RAPGEF4: variants seen among roughly 807,000 people sequenced by gnomAD.
The protein encoded by RAPGEF4 is RAP guanine-nucleotide-exchange factor (GEF) 4.
In RAPGEF4, 66 loss-of-function variants were observed where a neutral mutation model predicts 147.9. That is an observed-to-expected ratio of 0.45 (90% CI 0.37 to 0.55). The LOEUF is 0.55. RAPGEF4 is among the 20% of genes least tolerant of loss of function. The probability of loss-of-function intolerance (pLI) is 0.00; values close to 1 mark genes in which losing one functional copy is unlikely to be tolerated. For missense variants in RAPGEF4, 1,071 were observed against 1,257.3 expected, an observed-to-expected ratio of 0.85 and a Z score of 2.24; for synonymous variants, 419 against 442.7, an observed-to-expected ratio of 0.95 and a Z score of 0.67.
chr2:172,759,192 G>A (rs1696064476), intron 1 of RAPGEF4, among the ~76,000 whole-genome samples: 2 of 152,190 alleles, frequency 1.3e-5, no homozygotes, highest in Admixed American at 1.3e-4. Context: ...TTTCCAGTGT[G>A]GTTGGCAGTT....
At chr2:172,942,270 G>A (rs1687237612) in intron 6 of RAPGEF4, among the ~76,000 whole-genome samples, 1 of 150,430 alleles carries the variant, frequency 6.6e-6, no homozygotes, top group Admixed American at 6.6e-5. Flanking sequence ...ATTAACTGGA[G>A]TCACCATGTT....
chr2:173,001,446 G>A lies in RAPGEF4; in HGVS notation c.1658+102G>A, dbSNP rs1271637278. 16 of 1,405,112 alleles carry A rather than the reference G, an allele frequency of 1.1e-5. No homozygotes were observed. The Admixed American group carries it at 2.9e-4, about 25-fold the overall frequency. The allele number at this position is 1,405,112 out of a possible 1,614,324, so 87.0% of individuals were successfully genotyped here. ...CTTCTGCAGGTAAGTCATGGCCCAG[G>A]CAGAGTTGTGCATTCCACCCTCATC... On this transcript the variant is annotated intron_variant, in intron 17 of 30. Coordinates refer to ENST00000397081, the MANE Select transcript of RAPGEF4 (RefSeq NM_007023.4).
intron 6 of RAPGEF4, among the ~76,000 whole-genome samples, chr2:172,924,589 G>A (rs115959705): frequency 0.016 from 2,406 of 152,260 alleles, 64 homozygotes; most frequent in African/African-American, 0.055. Flanking sequence ...TATTAGGAAA[G>A]CTCTCCAATG....
Position 172,917,790 on chromosome 2 carries a change from C to G in RAPGEF4, c.445-12C>G. 6.2e-7 allele frequency: 1 copy of G among 1,606,890 alleles called. No individual in the cohort carries two copies. Among genetic ancestry groups the G allele is most frequent in the Non-Finnish European group, 8.5e-7 (1 of 1,173,654 alleles). On this transcript the variant is annotated splice_polypyrimidine_tract_variant and intron_variant, in intron 4 of 30. Coordinates refer to ENST00000397081, the MANE Select transcript of RAPGEF4 (RefSeq NM_007023.4). ...AATATCTGTGTGTTGAGTTTACAAT[C>G]TTGTCTTTCAGAAATATCGACAGTA...
At chr2:172,778,404 A>G (rs891592995) in intron 1 of RAPGEF4, among the ~76,000 whole-genome samples, 6 of 151,832 alleles carry the variant, frequency 4.0e-5, no homozygotes, top group African/African-American at 9.7e-5. Context: ...CCACTTTTCT[A>G]TTTCTGTCTG....
intron 4 of RAPGEF4, among the ~76,000 whole-genome samples, chr2:172,839,131 G>A (rs1323882233): frequency 4.6e-5 from 7 of 151,982 alleles, no homozygotes; most frequent in African/African-American, 1.7e-4. Flanking sequence ...ATTATGGTGA[G>A]TTAGAAGAAA....
At chr2:173,003,282 A>G (rs1016744058) in intron 17 of RAPGEF4, among the ~76,000 whole-genome samples, 1 of 152,108 alleles carries the variant, frequency 6.6e-6, no homozygotes, top group Non-Finnish European at 1.5e-5. Context: ...GAGGGGGAAA[A>G]ATGATACTGG....
intron 10 of RAPGEF4, among the ~76,000 whole-genome samples, chr2:172,972,834 T>C (rs1690638493): frequency 6.6e-6 from 1 of 152,144 alleles, no homozygotes; most frequent in South Asian, 2.1e-4. Flanking sequence ...TTGGAGAAAA[T>C]TTGGAAACCA....
intron 1 of RAPGEF4, among the ~76,000 whole-genome samples, chr2:172,773,478 C>T (rs1165667732): frequency 6.6e-6 from 1 of 152,126 alleles, no homozygotes; most frequent in African/African-American, 2.4e-5. Flanking sequence ...ATCATCTTCA[C>T]ACACCCACTA....
At chr2:172,918,936 C>T (rs912511879) in intron 5 of RAPGEF4, among the ~76,000 whole-genome samples, 20 of 152,260 alleles carry the variant, frequency 1.3e-4, no homozygotes, top group Admixed American at 5.2e-4. Flanking sequence ...CCTGCTTGAC[C>T]GCAATCCTGA....
rs575529555 is a variant in RAPGEF4, at chr2:173,027,183, G to A, written c.2482G>A (p.Val828Ile). The A allele has an allele frequency of 3.4e-5, 55 of 1,613,352 alleles. No homozygotes were observed. Among genetic ancestry groups the A allele is most frequent in the East Asian group, 1.3e-4 (6 of 44,874 alleles). ...ATTTAATGAAATTCAGTTTTGGGTC[G>A]TCACTGAGATCTGCCTTTGTTCTCA... is the stretch of plus-strand genomic sequence containing the variant. Reference protein sequence around the residue: ...RRFNEIQFWVVTEICLCSQLS... With the variant: ...RRFNEIQFWVITEICLCSQLS... The change falls in exon 25 of 31, where the codon GTC (valine) becomes ATC (isoleucine). Residue 828 changes from valine to isoleucine, a missense_variant. Physicochemically the swap from Val to Ile is conservative, Grantham distance 29. Coordinates refer to ENST00000397081, the MANE Select transcript of RAPGEF4 (RefSeq NM_007023.4).
intron 15 of RAPGEF4, among the ~76,000 whole-genome samples, chr2:172,995,698 T>C (rs1383697620): frequency 6.6e-6 from 1 of 152,188 alleles, no homozygotes; most frequent in African/African-American, 2.4e-5. Context: ...ATAGTAGTGT[T>C]TTGTCACTGT....
chr2:172,957,722 G>A (rs1688883555), intron 6 of RAPGEF4, among the ~76,000 whole-genome samples: 1 of 152,164 alleles, frequency 6.6e-6, no homozygotes, highest in Non-Finnish European at 1.5e-5. Context: ...TAAAATCTTT[G>A]AGCCGGAGAA....
At position 172,852,370 on chromosome 2, in the gene RAPGEF4, C is replaced by T. The variant is rs150243226; in HGVS notation, c.444+37945C>T. Among the ~76,000 whole-genome samples the T allele has an allele frequency of 1.6e-3, 243 of 152,168 alleles. 2 individuals are homozygous for T. Among genetic ancestry groups the T allele is most frequent in the Middle Eastern group, 6.8e-3 (2 of 292 alleles). On this transcript the variant is annotated intron_variant, in intron 4 of 30. Coordinates refer to ENST00000397081, the MANE Select transcript of RAPGEF4 (RefSeq NM_007023.4). ...TTGATGAATTGTCAATAAGTTGATC[C>T]GAAACGTAACCCTTCTCAGATTTTA... is the stretch of plus-strand genomic sequence containing the variant.
intron 6 of RAPGEF4, among the ~76,000 whole-genome samples, chr2:172,925,897 A>G (rs970936645): frequency 1.4e-4 from 20 of 145,194 alleles, no homozygotes; most frequent in Admixed American, 9.6e-4. Context: ...AAGGAAAGAA[A>G]GAAGAAAGAG....
intron 1 of RAPGEF4, among the ~76,000 whole-genome samples, chr2:172,785,702 C>T (rs1685129605): frequency 6.6e-6 from 1 of 152,126 alleles, no homozygotes; most frequent in Non-Finnish European, 1.5e-5. Flanking sequence ...TATAAGATGA[C>T]AGTGTTATCA....
chr2:172,901,413 A>G (rs1315779507), intron 4 of RAPGEF4, among the ~76,000 whole-genome samples: 1 of 152,250 alleles, frequency 6.6e-6, no homozygotes, highest in Admixed American at 6.5e-5. Flanking sequence ...AACATCACAG[A>G]GAGATTTGAC....
At chr2:172,767,186 T>C (rs1455499991) in intron 1 of RAPGEF4, among the ~76,000 whole-genome samples, 3 of 151,916 alleles carry the variant, frequency 2.0e-5, no homozygotes, top group Admixed American at 2.0e-4. Flanking sequence ...CTATTTTTTT[T>C]TTTTTTTTTG....
chr2:172,736,171 G>C (rs1177607964), intron 1 of RAPGEF4, 123 bp downstream of exon 1: 2 of 670,528 alleles, frequency 3.0e-6, no homozygotes, highest in Non-Finnish European at 2.1e-6. Context: ...GTCCCCGAGC[G>C]GGGGAAGGGG....
Sources: gnomAD v4.1 joint callset for allele counts (sites outside exome capture counted in the v4.1 genomes callset) on GRCh38, gnomAD v4.1.1 for gene constraint, MANE v1.5 for transcripts, NCBI Gene and HGNC (gene_info 2026-07-23, HGNC 2026-07-21) for gene names.